The following MBD5 variants were observed in gnomAD, a reference collection of about 807,000 sequenced individuals.
MBD5 encodes the protein methyl-CpG binding domain protein 5, also known as methyl-CpG-binding domain protein 5.
In MBD5, 13 loss-of-function variants were observed where a neutral mutation model predicts 117.3. The ratio of observed to expected loss-of-function variants is 0.11; its 90% CI spans 0.07 to 0.18. The LOEUF is 0.18. MBD5 is among the 10% of genes least tolerant of loss of function. MBD5 has a pLI of 1.00. For synonymous variants in MBD5, 727 were observed against 766.4 expected, an observed-to-expected ratio of 0.95 and a Z score of 0.85; for missense variants, 1,879 against 2,093.8, an observed-to-expected ratio of 0.90 and a Z score of 2.00.
chr2:148,319,363 A>G (rs1331060309), intron 3 of MBD5, among the ~76,000 whole-genome samples: 1 of 152,230 alleles, frequency 6.6e-6, no homozygotes, highest in African/African-American at 2.4e-5. Flanking sequence ...TCATTTTAAC[A>G]ATACTGATTC....
chr2:148,445,758 G>A (rs1346044919), intron 4 of MBD5, among the ~76,000 whole-genome samples: 22 of 151,518 alleles, frequency 1.5e-4, no homozygotes, highest in Non-Finnish European at 2.9e-5. Context: ...CACCAACAGT[G>A]TAAAAGTGTT....
chr2:148,320,463 C>G (rs935012499), intron 3 of MBD5, among the ~76,000 whole-genome samples: 4 of 152,092 alleles, frequency 2.6e-5, no homozygotes, highest in Non-Finnish European at 5.9e-5. Context: ...AGGTGATCCT[C>G]CCATTTCACC....
Position 148,106,701 on chromosome 2 carries a change from A to G in MBD5, c.-924-71999A>G, listed in dbSNP as rs561506722. Among the ~76,000 whole-genome samples, 3 of 151,928 alleles carry G rather than the reference A, an allele frequency of 2.0e-5. No individual in the cohort carries two copies. In the South Asian group the frequency reaches 6.2e-4, roughly 31 times the overall value. On this transcript the variant is annotated intron_variant, in intron 1 of 13. Coordinates refer to ENST00000642680, the MANE Select transcript of MBD5 (RefSeq NM_001378120.1). Reference sequence around the variant, plus strand: ...TTTCCCTTCTACTAGTTTGGAATTCATGCAGTCTATTTGTAGGTGGTTACT... The same window carrying G: ...TTTCCCTTCTACTAGTTTGGAATTCGTGCAGTCTATTTGTAGGTGGTTACT...
chr2:148,067,685 T>C (rs180913494), intron 1 of MBD5, among the ~76,000 whole-genome samples: 1 of 152,334 alleles, frequency 6.6e-6, no homozygotes, highest in African/African-American at 2.4e-5. Flanking sequence ...TTGTCTTACA[T>C]TATCCCCAGC....
chr2:148,354,814 G>C (rs573542128), intron 4 of MBD5, among the ~76,000 whole-genome samples: 9 of 152,166 alleles, frequency 5.9e-5, no homozygotes, highest in African/African-American at 1.9e-4. Flanking sequence ...ATTCTAACTG[G>C]TGTGAGATGG....
chr2:148,485,848 A>T lies in MBD5; in HGVS notation c.3651A>T (p.Gln1217His). The stretch of plus-strand genomic sequence containing the variant: ...TTCCTCCAAATCAGCAACAGCAGCA[A>T]CTTCTCCAGGGGTACCAGAATCTCC... ...QMFPPNQQQQ[Q>H]LLQGYQNLQA... Residue 1217 changes from glutamine (Q) to histidine (H), a missense_variant, in exon 10 of 14, where the codon CAA becomes CAT. Physicochemically the swap from Gln to His is conservative, Grantham distance 24. Coordinates refer to ENST00000642680, the MANE Select transcript of MBD5 (RefSeq NM_001378120.1). 1.9e-6 allele frequency: 3 copies of T among 1,614,134 alleles called. No homozygotes were observed. The highest frequency in any genetic ancestry group is 2.2e-5 in the East Asian group (1 of 44,876).
At chr2:148,030,097 C>A (rs899065782) in intron 1 of MBD5, among the ~76,000 whole-genome samples, 2 of 151,974 alleles carry the variant, frequency 1.3e-5, no homozygotes, top group Admixed American at 1.3e-4. Flanking sequence ...ATGGTAAAAC[C>A]CCATCTCTAT....
chr2:148,415,819 T>G (rs115872478), intron 4 of MBD5, among the ~76,000 whole-genome samples: 1 of 152,324 alleles, frequency 6.6e-6, no homozygotes, highest in Non-Finnish European at 1.5e-5. Flanking sequence ...TCAGATCAGT[T>G]TGGTTTTTTC....
chr2:148,260,218 TCTA>T (rs1454601258), intron 3 of MBD5, among the ~76,000 whole-genome samples: 3 of 152,234 alleles, frequency 2.0e-5, no homozygotes, highest in Non-Finnish European at 4.4e-5. Context: ...TGCTGCTTTA[TCTA>T]CTAAGTTTCT....
chr2:148,243,003 G>C (rs1700250040), intron 3 of MBD5, among the ~76,000 whole-genome samples: 1 of 152,114 alleles, frequency 6.6e-6, no homozygotes, highest in Non-Finnish European at 1.5e-5. Flanking sequence ...AACTCTCTCT[G>C]TAAGCATTAT....
intron 4 of MBD5, among the ~76,000 whole-genome samples, chr2:148,447,207 GAAA>G (rs56268933): frequency 1.4e-3 from 23 of 17,036 alleles, no homozygotes; most frequent in South Asian, 0.017. Flanking sequence ...AAGAAAGAAA[GAAA>G]GAAAGAAAGA....
At chr2:148,048,446 A>T (rs555939518) in intron 1 of MBD5, among the ~76,000 whole-genome samples, 2 of 152,302 alleles carry the variant, frequency 1.3e-5, no homozygotes, top group South Asian at 4.1e-4. Context: ...CTATGTTGAA[A>T]ATCAACAATA....
At chr2:148,114,787 A>T (rs1053181157) in intron 1 of MBD5, among the ~76,000 whole-genome samples, 9 of 152,214 alleles carry the variant, frequency 5.9e-5, no homozygotes, top group African/African-American at 2.2e-4. Context: ...TATAAAAGCT[A>T]TGAGCTATAA....
At chr2:148,453,740 T>C (rs1706798385) in intron 4 of MBD5, among the ~76,000 whole-genome samples, 1 of 151,858 alleles carries the variant, frequency 6.6e-6, no homozygotes, top group African/African-American at 2.4e-5. Context: ...TATAAAATTA[T>C]AAAAGTAAAC....
intron 3 of MBD5, among the ~76,000 whole-genome samples, chr2:148,340,749 G>A (rs1338434997): frequency 6.6e-6 from 1 of 151,604 alleles, no homozygotes; most frequent in East Asian, 1.9e-4. Context: ...GATGTTAACA[G>A]ACAAAATATA....
At chr2:148,251,682 C>G (rs1176433298) in intron 3 of MBD5, among the ~76,000 whole-genome samples, 1 of 151,940 alleles carries the variant, frequency 6.6e-6, no homozygotes, top group East Asian at 1.9e-4. Context: ...TTAAGGTGTT[C>G]CAAATTCTGC....
At chr2:148,307,883 CAT>C (rs1491116922) in intron 3 of MBD5, among the ~76,000 whole-genome samples, 2 of 138,848 alleles carry the variant, frequency 1.4e-5, no homozygotes, top group Non-Finnish European at 3.2e-5. Flanking sequence ...TAAGTGAGAA[CAT>C]GTGGTGTTTG....
chr2:148,142,474 A>G (rs1174822591), intron 1 of MBD5, among the ~76,000 whole-genome samples: 1 of 152,204 alleles, frequency 6.6e-6, no homozygotes, highest in Non-Finnish European at 1.5e-5. Context: ...ATTACATAGA[A>G]TTCTATATCC....
At chr2:148,338,171 G>C (rs1006248819) in intron 3 of MBD5, among the ~76,000 whole-genome samples, 16 of 152,012 alleles carry the variant, frequency 1.1e-4, no homozygotes, top group Admixed American at 2.6e-4. Context: ...TTTTCTAAAG[G>C]AATAAATTAC....
Sources: gnomAD v4.1 joint callset for allele counts (sites outside exome capture counted in the v4.1 genomes callset) on GRCh38, gnomAD v4.1.1 for gene constraint, MANE v1.5 for transcripts, NCBI Gene and HGNC (gene_info 2026-07-23, HGNC 2026-07-21) for gene names.